The following ERCC1 variants were observed in gnomAD, a reference collection of about 807,000 sequenced individuals.
The protein encoded by ERCC1 is DNA excision repair protein ERCC-1.
ERCC1 carries 36 observed loss-of-function variants against 37.6 expected under a neutral mutation model. The ratio of observed to expected loss-of-function variants is 0.96; its 90% CI spans 0.73 to 1.26. The LOEUF (loss-of-function observed/expected upper bound fraction) is 1.26. ERCC1 is among the 50% of genes most tolerant of loss of function. ERCC1 has a pLI of 0.00. For synonymous variants in ERCC1, 156 were observed against 162.1 expected (o/e 0.96, Z 0.28); for missense variants, 349 against 376.5 (o/e 0.93, Z 0.60).
At chr19:45,412,195 G>T (rs1046134905) in intron 9 of ERCC1, among the ~76,000 whole-genome samples, 1 of 151,010 alleles carries the variant, frequency 6.6e-6, no homozygotes. Context: ...TTTTGCTTCT[G>T]TTGTCCAGGC....
intron 7 of ERCC1, chr19:45,414,337 C>G: frequency 2.3e-6 from 1 of 437,314 alleles, no homozygotes; most frequent in South Asian, 2.1e-5. Context: ...ATTAGACAGG[C>G]ATGGTTGTGG....
chr19:45,432,809 G>C (rs958950802), intron 1 of ERCC1, among the ~76,000 whole-genome samples: 8 of 152,228 alleles, frequency 5.3e-5, no homozygotes, highest in Non-Finnish European at 1.5e-5. Flanking sequence ...GCTCACGCCT[G>C]TATTCCCAGC....
intron 1 of ERCC1, among the ~76,000 whole-genome samples, chr19:45,436,002 T>C (rs559275238): frequency 6.6e-6 from 1 of 152,048 alleles, no homozygotes; most frequent in Non-Finnish European, 1.5e-5. Context: ...CTGACCTCAG[T>C]TGATCTGCCC....
chr19:45,415,338 A>G (rs1168439302), intron 6 of ERCC1, among the ~76,000 whole-genome samples: 1 of 80,000 alleles, frequency 1.3e-5, no homozygotes, highest in East Asian at 6.2e-4. Flanking sequence ...TCCATTTCAG[A>G]AAAAAAAAAA....
intron 6 of ERCC1, 44 bp downstream of exon 6, chr19:45,416,777 A>G: frequency 1.3e-6 from 2 of 1,502,760 alleles, no homozygotes; most frequent in Non-Finnish European, 1.9e-6. Context: ...GCAGGGACCA[A>G]TCCCAGGTGG....
In ERCC1 at chr19:45,448,586, G is replaced by T. The variant is rs1019238574; in HGVS notation, c.-7-25205C>A. 4.6e-5 allele frequency among the ~76,000 whole-genome samples: 7 copies of T among 152,176 alleles called. No individual in the cohort carries two copies. The South Asian group carries it at 8.3e-4, about 18-fold the overall frequency. ...AGAGAGGCTGGGCACAGTTGCTCAC[G>T]CCAGTAATCCCAGCACTTTGAGAGG... On this transcript the variant is annotated intron_variant, in intron 1 of 8. Transcript: ENST00000423698.
At chr19:45,442,443 A>G (rs1362098951) in intron 1 of ERCC1, among the ~76,000 whole-genome samples, 2 of 152,134 alleles carry the variant, frequency 1.3e-5, no homozygotes, top group African/African-American at 4.8e-5. Flanking sequence ...TATCTTGGCC[A>G]GTAGGATTCA....
At chr19:45,422,835 T>A (rs561733824) in intron 2 of ERCC1, among the ~76,000 whole-genome samples, 5 of 152,290 alleles carry the variant, frequency 3.3e-5, no homozygotes, top group East Asian at 1.9e-4. Context: ...TAGCCCACTT[T>A]CCTTTTCTTC....
intron 1 of ERCC1, chr19:45,450,661 G>T (rs1481517856): frequency 6.5e-6 from 1 of 152,734 alleles, no homozygotes; most frequent in Non-Finnish European, 1.5e-5. Flanking sequence ...AACTACTGTG[G>T]AGGCTGAGGC....
chr19:45,430,827 G>C (rs1044839397), intron 1 of ERCC1, among the ~76,000 whole-genome samples: 1 of 152,046 alleles, frequency 6.6e-6, no homozygotes, highest in Non-Finnish European at 1.5e-5. Flanking sequence ...CGAGGTGGGA[G>C]AATTGGGAGA....
upstream of ERCC1, among the ~76,000 whole-genome samples, chr19:45,427,455 C>CAA (rs35190442): frequency 0.056 from 8,236 of 147,652 alleles, 738 homozygotes; most frequent in African/African-American, 0.19. Flanking sequence ...CTAAAAAATA[C>CAA]AAAAAAAAAA....
At chr19:45,417,579 A>G (rs1286028082) in intron 5 of ERCC1, among the ~76,000 whole-genome samples, 1 of 152,164 alleles carries the variant, frequency 6.6e-6, no homozygotes, top group Non-Finnish European at 1.5e-5. Context: ...CATGAGGAGC[A>G]TGGAATCTTA....
At chr19:45,410,597 G>GTGTGT (rs56991437) in intron 9 of ERCC1, 4 of 149,858 alleles carry the variant, frequency 2.7e-5, no homozygotes, top group Admixed American at 6.7e-5. Context: ...GTGTGTGTGT[G>GTGTGT]GTACCCATTA....
At chr19:45,410,034 G>A (rs1331258099) in intron 9 of ERCC1, 2 of 162,730 alleles carry the variant, frequency 1.2e-5, no homozygotes, top group Non-Finnish European at 1.3e-5. Context: ...TGGGACTACA[G>A]GCCCCTGCCC....
rs3212947 is a variant in ERCC1, at chr19:45,421,274, C to T, written c.225G>A (p.Thr75=). The change falls in exon 3 of 10, where the codon ACG becomes ACA. Residue 75 remains threonine (T), a synonymous_variant. Coordinates refer to ENST00000300853, the MANE Select transcript of ERCC1 (RefSeq NM_001983.4). ...CCAGGGGCTCTGACCCTGTGGGGCA[C>T]GTGGCCCCAGCCCCTTCCAGAGGCT... The part of the protein sequence containing the change: ...ISQPLEGAGA[T]CPTGSEPLAG... 28,418 of 1,614,110 alleles carry T rather than the reference C, an allele frequency of 0.018. 330 individuals are homozygous for T. Among genetic ancestry groups the T allele is most frequent in the Non-Finnish European group, 0.022 (26,002 of 1,179,988 alleles).
intron 1 of ERCC1, among the ~76,000 whole-genome samples, chr19:45,440,419 G>A (rs1975091119): frequency 6.6e-6 from 1 of 152,128 alleles, no homozygotes; most frequent in East Asian, 1.9e-4. Flanking sequence ...AGGATCACAG[G>A]GAGTCAGGAG....
intron 1 of ERCC1, among the ~76,000 whole-genome samples, chr19:45,449,631 C>G (rs1234127907): frequency 1.3e-5 from 2 of 152,052 alleles, no homozygotes; most frequent in Non-Finnish European, 2.9e-5. Flanking sequence ...TACCACTGCA[C>G]TCTAGCCTGG....
upstream of ERCC1, among the ~76,000 whole-genome samples, chr19:45,428,572 GCC>G (rs1365868645): frequency 4.6e-5 from 7 of 152,240 alleles, no homozygotes; most frequent in African/African-American, 1.4e-4. Flanking sequence ...CCCAGCTACG[GCC>G]CCTGCTCCCA....
upstream of ERCC1, chr19:45,424,036 A>T: frequency 9.5e-7 from 1 of 1,047,798 alleles, no homozygotes; most frequent in Non-Finnish European, 1.2e-6. Flanking sequence ...TGGCCTGAGG[A>T]TCTGGCTCCC....
Sources: allele counts gnomAD v4.1 joint callset (sites outside exome capture counted in the v4.1 genomes callset), GRCh38; gene constraint gnomAD v4.1.1; transcripts MANE v1.5; gene names NCBI Gene and HGNC (gene_info 2026-07-23, HGNC 2026-07-21).